SFPQ: variants seen among roughly 807,000 people sequenced by gnomAD.
The protein encoded by SFPQ is splicing factor proline and glutamine rich, also known as splicing factor, proline- and glutamine-rich.
A neutral mutation model predicts 72.9 loss-of-function variants in SFPQ; 11 were observed. That is an observed-to-expected ratio of 0.15 (90% CI 0.09 to 0.25). SFPQ has a LOEUF of 0.25. SFPQ is among the 10% of genes least tolerant of loss of function. SFPQ has a pLI of 1.00. For synonymous variants in SFPQ, 506 were observed against 367.3 expected, an observed-to-expected ratio of 1.38 and a Z score of -4.32; for missense variants, 847 against 993.3, an observed-to-expected ratio of 0.85 and a Z score of 1.98.
intron 4 of SFPQ, 81 bp downstream of exon 4, chr1:35,190,417 A>G (rs1639940429): frequency 1.0e-6 from 1 of 973,468 alleles, no homozygotes; most frequent in South Asian, 1.5e-5. Flanking sequence ...GCATATTTTA[A>G]GCAAAATTGG....
downstream of SFPQ, chr1:35,180,883 C>T: frequency 2.0e-5 from 20 of 985,408 alleles, no homozygotes; most frequent in East Asian, 1.1e-4. Context: ...CTAAAGGAAA[C>T]CACACAACTG....
downstream of SFPQ, chr1:35,178,605 A>G (rs1004448578): frequency 3.8e-6 from 4 of 1,057,510 alleles, no homozygotes; most frequent in African/African-American, 6.6e-5. Context: ...AGGGCTGGAA[A>G]AGCTATGCCT....
rs2148609867 is a variant in SFPQ, at chr1:35,182,987, T to C, written c.*1469A>G. 1 of 1,041,146 alleles carries C rather than the reference T, an allele frequency of 9.6e-7. No homozygotes were observed. Among genetic ancestry groups the C allele is most frequent in the East Asian group, 5.8e-5 (1 of 17,172 alleles). The allele number at this position is 1,041,146 out of a possible 1,614,324, so 64.5% of individuals were successfully genotyped here. ...GAAGGGATATTTGTACTGTGTAGCA[T>C]GAGCAACTTTCTCCAGATTTAGTGC... On this transcript the variant is annotated 3_prime_UTR_variant, in exon 10 of 10. Transcript: ENST00000357214.
intron 4 of SFPQ, chr1:35,177,899 A>C: frequency 2.1e-6 from 1 of 475,158 alleles, no homozygotes; most frequent in Non-Finnish European, 3.0e-6. Flanking sequence ...AACATCTCAA[A>C]TATCGAAGTT....
At chr1:35,188,258 G>T (rs527884328) in intron 6 of SFPQ, among the ~76,000 whole-genome samples, 168 bp from the exon 7 acceptor site, 1 of 152,310 alleles carries the variant, frequency 6.6e-6, no homozygotes, top group Non-Finnish European at 1.5e-5. Context: ...AATAATGTAG[G>T]CTTTATTAAG....
At chr1:35,180,507 G>A (rs1639423101), downstream of SFPQ, 1 of 1,050,338 alleles carries the variant, frequency 9.5e-7, no homozygotes, top group Admixed American at 5.5e-5. Context: ...CCTTCCCCCA[G>A]GTTTAGAGTA....
At position 35,184,128 on chromosome 1, in the gene SFPQ, AT is replaced by A; in HGVS notation, c.*327del. 1 of 1,136,984 alleles carries A rather than the reference AT, an allele frequency of 8.8e-7. No individual in the cohort carries two copies. The highest frequency in any genetic ancestry group is 3.7e-4 in the Middle Eastern group (1 of 2,724). 70.4% of individuals were successfully genotyped at this position (1,136,984 alleles called of 1,614,324 possible). On this transcript the variant is annotated 3_prime_UTR_variant, in exon 10 of 10. Coordinates refer to ENST00000357214, the MANE Select transcript of SFPQ (RefSeq NM_005066.3). ...AAAGTTGAAGATCAATATTATAACT[AT>A]TTTTCTATTTATTTGAAGCACAGTA...
chr1:35,176,453 G>A (rs1639240589), exon 6 of SFPQ: 1 of 151,896 alleles, frequency 6.6e-6, no homozygotes, highest in South Asian at 2.1e-4. Flanking sequence ...TTGGTTTTCT[G>A]GACACAGCTC....
At chr1:35,188,144 T>A (rs1450374409) in intron 6 of SFPQ, 54 bp from the exon 7 acceptor site, 1 of 1,346,938 alleles carries the variant, frequency 7.4e-7, no homozygotes, top group East Asian at 2.3e-5. Context: ...CTTTTAGAAT[T>A]CAATGTGAAG....
chr1:35,182,440 A>AT (rs1263347487), downstream of SFPQ: 2 of 985,250 alleles, frequency 2.0e-6, no homozygotes, highest in African/African-American at 3.5e-5. Context: ...TTACTTTCTA[A>AT]TGAGATTCTC....
Position 35,184,536 on chromosome 1 carries a change from C to T in SFPQ, c.2044G>A (p.Gly682Arg). 3.7e-6 allele frequency: 6 copies of T among 1,613,170 alleles called. No homozygotes were observed. The highest frequency in any genetic ancestry group is 5.1e-6 in the Non-Finnish European group (6 of 1,179,624). ...CCTGCTGGAGTTCCAGGCCCCATTC[C>T]TCTAGGACCCTGTCCACCCACAGGC... ...AGPVGGQGPR[G>R]MGPGTPAGYG... The change falls in exon 10 of 10, where the codon GGA becomes AGA. Residue 682 changes from glycine to arginine, a missense_variant. Physicochemically the swap from Gly to Arg is moderately radical, Grantham distance 125. Around this residue, in one of 6 missense-constraint regions of SFPQ, gnomAD observed 154 missense variants for 186.0 expected, o/e 0.83. Transcript: ENST00000357214.
In SFPQ at chr1:35,183,141, T is replaced by A. The variant is rs1331531063; in HGVS notation, c.*1315A>T. On this transcript the variant is annotated 3_prime_UTR_variant, in exon 10 of 10. Transcript: ENST00000357214. Reference sequence around the variant, plus strand: ...AATAGATTTTTATAGTCCTATAGATTTTGCCCAACAGAAGTAGCACAAGGA... The same window carrying A: ...AATAGATTTTTATAGTCCTATAGATATTGCCCAACAGAAGTAGCACAAGGA... 7 of 1,026,906 alleles carry A rather than the reference T, an allele frequency of 6.8e-6. No homozygotes were observed. The East Asian group carries it at 4.5e-4, about 65-fold the overall frequency. 63.6% of individuals were successfully genotyped at this position (1,026,906 alleles called of 1,614,324 possible). A position where few individuals can be genotyped will look rare whatever the true frequency, so the allele number is the denominator to read the frequency against.
At position 35,192,733 on chromosome 1, in the gene SFPQ, G is replaced by T; in HGVS notation, c.317C>A (p.Ser106Tyr). 1 of 1,496,592 alleles carries T rather than the reference G, an allele frequency of 6.7e-7. No individual in the cohort carries two copies. The highest frequency in any genetic ancestry group is 8.8e-7 in the Non-Finnish European group (1 of 1,131,126). The allele number at this position is 1,496,592 out of a possible 1,614,324, so 92.7% of individuals were successfully genotyped here. A position where few individuals can be genotyped will look rare whatever the true frequency, so the allele number is the denominator to read the frequency against. ...TCCCTGAGCAACGACGGGCTTGGAA[G>T]AGTCCTGCGGCGGTGGCGGCGGCTG... ...QQQPPPPPQD[S>Y]SKPVVAQGPG... is the part of the protein sequence containing the mutation. Residue 106 changes from serine (S) to tyrosine (Y), a missense_variant, in exon 1 of 10, where the codon TCT becomes TAT. Physicochemically the swap from Ser to Tyr is moderately radical, Grantham distance 144. Coordinates refer to ENST00000357214, the MANE Select transcript of SFPQ (RefSeq NM_005066.3).
chr1:35,187,273 C>T (rs1237422396), intron 7 of SFPQ, 22 bp from the exon 8 acceptor site: 1 of 1,611,930 alleles, frequency 6.2e-7, no homozygotes, highest in Non-Finnish European at 8.5e-7. Flanking sequence ...AAATTCCTTT[C>T]AATATACCTG....
rs1416035127 is a variant in SFPQ, at chr1:35,191,446, T to C, written c.912A>G (p.Leu304=). The change falls in exon 2 of 10, where the codon CTA becomes CTG. Residue 304 remains leucine (L), a synonymous_variant. Coordinates refer to ENST00000357214, the MANE Select transcript of SFPQ (RefSeq NM_005066.3). ...TQRCRLFVGN[L]PADITEDEFK... The stretch of plus-strand genomic sequence containing the variant: ...ATTCATCCTCCGTGATATCAGCAGG[T>C]AGATTCCCAACAAACAACCGACATC... 6.2e-7 allele frequency: 1 copy of C among 1,614,124 alleles called. No homozygotes were observed. Among genetic ancestry groups the C allele is most frequent in the South Asian group, 1.1e-5 (1 of 91,084 alleles).
chr1:35,187,869 C>A, intron 7 of SFPQ, 104 bp downstream of exon 7: 1 of 727,982 alleles, frequency 1.4e-6, no homozygotes, highest in Non-Finnish European at 2.4e-6. Flanking sequence ...AGAAAAAAAG[C>A]AGAAAATAAC....
chr1:35,178,973 T>C (rs1464655392), downstream of SFPQ: 1 of 1,056,290 alleles, frequency 9.5e-7, no homozygotes, highest in Non-Finnish European at 1.1e-6. Flanking sequence ...TGTTGAGATT[T>C]CCAGTTGAGT....
chr1:35,184,391 A>G lies in SFPQ; in HGVS notation c.*65T>C, dbSNP rs1570117496. ...ATAGCTTTCTTACTAAAATGCAAGA[A>G]TTTAAAAGATTGGTATCTAAACAAA... On this transcript the variant is annotated 3_prime_UTR_variant, in exon 10 of 10. Transcript: ENST00000357214. 6 of 1,574,470 alleles carry G rather than the reference A, an allele frequency of 3.8e-6. No homozygotes were observed. Among genetic ancestry groups the G allele is most frequent in the Non-Finnish European group, 4.3e-6 (5 of 1,168,330 alleles).
At chr1:35,178,980 G>A, downstream of SFPQ, 1 of 1,055,158 alleles carries the variant, frequency 9.5e-7, no homozygotes, top group African/African-American at 1.7e-5. Context: ...ATTTCCAGTT[G>A]AGTCTTAAAA....
Sources: gnomAD v4.1 joint callset for allele counts (sites outside exome capture counted in the v4.1 genomes callset) on GRCh38, gnomAD v4.1.1 for gene constraint, gnomAD v4.1.1 regional missense constraint, MANE v1.5 for transcripts, NCBI Gene and HGNC (gene_info 2026-07-23, HGNC 2026-07-21) for gene names.